The following ADISSP variants were observed in gnomAD, a reference collection of about 807,000 sequenced individuals.
ADISSP encodes the protein adipose-secreted signaling protein.
At chr20:3,767,361 C>G in the ADISSP span, 1 of 152,364 alleles carries the variant, frequency 6.6e-6, no homozygotes, top group East Asian at 1.9e-4. Flanking sequence ...GAGGAGGGGG[C>G]GCTGACCCCA....
chr20:3,754,965 A>C, the ADISSP span, among the ~76,000 whole-genome samples: 1 of 152,146 alleles, frequency 6.6e-6, no homozygotes, highest in East Asian at 1.9e-4. Flanking sequence ...GAGGCTGGTG[A>C]CGGGGACATG....
chr20:3,753,856 A>G, the ADISSP span: 1 of 599,802 alleles, frequency 1.7e-6, no homozygotes, highest in Non-Finnish European at 3.0e-6. Context: ...AGGCACACAG[A>G]GAGGAGGAAG....
At chr20:3,754,057 C>T in the ADISSP span, 1 of 1,611,006 alleles carries the variant, frequency 6.2e-7, no homozygotes, top group Middle Eastern at 1.7e-4. Context: ...GGCCTCGGGC[C>T]TCAGTCAAAG....
At chr20:3,758,458 G>C in the ADISSP span, 1 of 1,402,086 alleles carries the variant, frequency 7.1e-7, no homozygotes, top group Middle Eastern at 2.1e-4. This position sits in a 1 kb window ranked among gnomAD's most constrained non-coding sequence, Gnocchi z 5.5. Context: ...CCGGCTGAGA[G>C]GAACGGGGAT....
chr20:3,755,291 C>T, the ADISSP span: 17 of 608,486 alleles, frequency 2.8e-5, no homozygotes, highest in Admixed American at 4.3e-4. Context: ...GACTTCTGTT[C>T]AGGACAGGGA....
the ADISSP span, chr20:3,760,222 G>T: frequency 1.3e-6 from 1 of 766,782 alleles, no homozygotes; most frequent in Non-Finnish European, 2.2e-6. Context: ...AGGGGTCAGG[G>T]CCACTCATGG....
At chr20:3,757,160 C>T in the ADISSP span, among the ~76,000 whole-genome samples, 5 of 152,048 alleles carry the variant, frequency 3.3e-5, no homozygotes, top group Non-Finnish European at 7.4e-5. Flanking sequence ...ACCATCCTGG[C>T]CAACAGAGTG....
the ADISSP span, chr20:3,754,587 C>A: frequency 1.3e-6 from 2 of 1,534,778 alleles, no homozygotes; most frequent in South Asian, 1.1e-5. Flanking sequence ...CTGGCACTCA[C>A]GGGCCCCTAC....
At chr20:3,753,520 T>G in the ADISSP span, 1 of 154,812 alleles carries the variant, frequency 6.5e-6, no homozygotes, top group Non-Finnish European at 1.4e-5. Context: ...CGGTATCCAC[T>G]GGAAGTTTAT....
At chr20:3,762,453 C>T in the ADISSP span, among the ~76,000 whole-genome samples, 4 of 152,146 alleles carry the variant, frequency 2.6e-5, no homozygotes, top group East Asian at 5.8e-4. Context: ...TCACTGCCAC[C>T]GTAATCTCCC....
the ADISSP span, among the ~76,000 whole-genome samples, chr20:3,755,123 C>T: frequency 9.2e-5 from 14 of 152,268 alleles, no homozygotes; most frequent in South Asian, 2.7e-3. Context: ...GTTATCCACA[C>T]GGTGTGTGTA....
the ADISSP span, chr20:3,755,439 A>G: frequency 6.3e-7 from 1 of 1,598,738 alleles, no homozygotes; most frequent in Non-Finnish European, 8.5e-7. Flanking sequence ...TCCCACACCC[A>G]TCCAGGCCCT....
the ADISSP span, among the ~76,000 whole-genome samples, chr20:3,758,871 C>T: frequency 2.0e-5 from 3 of 152,280 alleles, no homozygotes; most frequent in Non-Finnish European, 1.5e-5. This position sits in a 1 kb window ranked among gnomAD's most constrained non-coding sequence, Gnocchi z 5.5. Flanking sequence ...GCCCCTCCCA[C>T]AAAAATCCAT....
At chr20:3,754,050 C>T in the ADISSP span, 1 of 1,608,444 alleles carries the variant, frequency 6.2e-7, no homozygotes, top group East Asian at 2.2e-5. Flanking sequence ...CAGGCGGGGC[C>T]TCGGGCCTCA....
the ADISSP span, among the ~76,000 whole-genome samples, chr20:3,764,707 G>A: frequency 6.6e-6 from 1 of 152,250 alleles, no homozygotes; most frequent in African/African-American, 2.4e-5. Flanking sequence ...ACAGGGAGGA[G>A]CTGTGTTTGG....
At chr20:3,760,629 G>C in the ADISSP span, among the ~76,000 whole-genome samples, 5 of 152,226 alleles carry the variant, frequency 3.3e-5, no homozygotes, top group Non-Finnish European at 7.3e-5. Context: ...GCGGTCAGAG[G>C]CAACAGGGTG....
At chr20:3,756,769 G>A in the ADISSP span, among the ~76,000 whole-genome samples, 2 of 152,192 alleles carry the variant, frequency 1.3e-5, no homozygotes, top group Non-Finnish European at 1.5e-5. Context: ...AATACTCTTC[G>A]CTGCCCTATT....
At chr20:3,759,885 C>G in the ADISSP span, 1 of 859,948 alleles carries the variant, frequency 1.2e-6, no homozygotes, top group Non-Finnish European at 1.9e-6. The surrounding 1 kb of genome is among the most constrained non-coding windows in gnomAD (Gnocchi z 4.6). Flanking sequence ...AGGGGTCCTG[C>G]TAGGGCTTGC....
the ADISSP span, chr20:3,758,696 G>C: frequency 3.1e-6 from 5 of 1,609,174 alleles, no homozygotes; most frequent in Non-Finnish European, 4.2e-6. This position sits in a 1 kb window ranked among gnomAD's most constrained non-coding sequence, Gnocchi z 5.5. Flanking sequence ...GAGTGGGAGA[G>C]GGCTCTGAGG....
Sources: gnomAD v4.1 joint callset for allele counts (sites outside exome capture counted in the v4.1 genomes callset) on GRCh38, gnomAD v4.1.1 for gene constraint, Gnocchi (gnomAD v3.1) non-coding constraint, MANE v1.5 for transcripts, NCBI Gene and HGNC (gene_info 2026-07-23, HGNC 2026-07-21) for gene names.